The following HCN1 variants were observed in gnomAD, a reference collection of about 807,000 sequenced individuals.
HCN1 encodes the protein hyperpolarization activated cyclic nucleotide gated potassium channel 1, also known as potassium/sodium hyperpolarization-activated cyclic nucleotide-gated channel 1.
Under a neutral mutation model 78.9 loss-of-function variants are expected in HCN1, and 13 were observed. The ratio of observed to expected loss-of-function variants is 0.16; its 90% CI spans 0.11 to 0.26. The LOEUF is 0.26. HCN1 is among the 10% of genes least tolerant of loss of function. The pLI, the probability that HCN1 is intolerant of heterozygous loss-of-function variation, is 1.00. For synonymous variants in HCN1, 552 were observed against 455.5 expected (o/e 1.21, Z -2.70); for missense variants, 810 against 1,154.3 (o/e 0.70, Z 4.32).
At chr5:45,371,647 C>T (rs192308580) in intron 4 of HCN1, among the ~76,000 whole-genome samples, 19 of 150,334 alleles carry the variant, frequency 1.3e-4, no homozygotes, top group African/African-American at 4.4e-4. Flanking sequence ...ATCCCAGCTA[C>T]TCGTGAGGCT....
intron 2 of HCN1, among the ~76,000 whole-genome samples, chr5:45,584,370 T>C (rs1408620774): frequency 6.6e-6 from 1 of 152,220 alleles, no homozygotes; most frequent in Non-Finnish European, 1.5e-5. Flanking sequence ...TTTTTTGTTT[T>C]CCATTGGCTT....
intron 5 of HCN1, among the ~76,000 whole-genome samples, chr5:45,331,207 A>G (rs909371893): frequency 2.6e-5 from 4 of 151,154 alleles, no homozygotes; most frequent in Non-Finnish European, 4.5e-5. Context: ...ATATATTAAT[A>G]TCAGTATTAA....
intron 1 of HCN1, among the ~76,000 whole-genome samples, chr5:45,673,672 C>A (rs1746201565): frequency 6.6e-6 from 1 of 151,326 alleles, no homozygotes; most frequent in Non-Finnish European, 1.5e-5. Flanking sequence ...ATCAGTATCA[C>A]AAGTAGGGGT....
At chr5:45,683,672 C>A (rs527237812) in intron 1 of HCN1, among the ~76,000 whole-genome samples, 4 of 143,972 alleles carry the variant, frequency 2.8e-5, no homozygotes, top group Non-Finnish European at 4.6e-5. Flanking sequence ...TATGTTTTGT[C>A]TTTTTTTTTT....
intron 4 of HCN1, among the ~76,000 whole-genome samples, chr5:45,373,368 A>C (rs1269913227): frequency 1.5e-4 from 18 of 117,174 alleles, no homozygotes; most frequent in Non-Finnish European, 2.7e-4. Context: ...TAAATATAAT[A>C]TATATTTTAT....
At chr5:45,469,872 T>C (rs1741353687) in intron 2 of HCN1, among the ~76,000 whole-genome samples, 4 of 151,762 alleles carry the variant, frequency 2.6e-5, no homozygotes, top group Admixed American at 1.3e-4. Flanking sequence ...AATATTCTAT[T>C]AACTCTGCTT....
At chr5:45,297,387 T>A (rs1415774136) in intron 6 of HCN1, among the ~76,000 whole-genome samples, 1 of 152,100 alleles carries the variant, frequency 6.6e-6, no homozygotes, top group Non-Finnish European at 1.5e-5. Flanking sequence ...CATGTTACAG[T>A]GCTGCAGAGA....
intron 2 of HCN1, among the ~76,000 whole-genome samples, chr5:45,580,228 G>T (rs1185055063): frequency 6.6e-6 from 1 of 152,206 alleles, no homozygotes. Flanking sequence ...AGATTACCTT[G>T]GATTGTCCAT....
chr5:45,547,480 C>T (rs2111845245), intron 2 of HCN1, among the ~76,000 whole-genome samples: 1 of 152,012 alleles, frequency 6.6e-6, no homozygotes, highest in South Asian at 2.1e-4. Flanking sequence ...AGAGAGTCTG[C>T]AAGATCAAAT....
intron 3 of HCN1, among the ~76,000 whole-genome samples, chr5:45,403,655 G>A (rs1739866932): frequency 6.6e-6 from 1 of 152,102 alleles, no homozygotes; most frequent in Non-Finnish European, 1.5e-5. Context: ...GGGATTATGA[G>A]AACTACAATT....
chr5:45,301,284 T>A (rs1474726945), intron 6 of HCN1, among the ~76,000 whole-genome samples: 1 of 144,336 alleles, frequency 6.9e-6, no homozygotes, highest in South Asian at 2.2e-4. Context: ...ATATTTCATA[T>A]TATACTCACA....
intron 2 of HCN1, among the ~76,000 whole-genome samples, chr5:45,626,335 C>T (rs551162066): frequency 2.0e-5 from 3 of 152,264 alleles, no homozygotes; most frequent in African/African-American, 7.2e-5. Context: ...AAATACTACG[C>T]TCAGCAATGT....
chr5:45,630,384 G>A (rs1324043561), intron 2 of HCN1, among the ~76,000 whole-genome samples: 1 of 152,074 alleles, frequency 6.6e-6, no homozygotes, highest in African/African-American at 2.4e-5. Context: ...ACTTTTTTAT[G>A]GTGACAATGA....
chr5:45,372,821 T>C (rs982879035), intron 4 of HCN1, among the ~76,000 whole-genome samples: 2 of 141,372 alleles, frequency 1.4e-5, no homozygotes, highest in Non-Finnish European at 3.0e-5. Flanking sequence ...CAAATATATG[T>C]ACGTATTCTA....
chr5:45,530,864 C>T (rs887956392), intron 2 of HCN1, among the ~76,000 whole-genome samples: 1 of 152,054 alleles, frequency 6.6e-6, no homozygotes, highest in Non-Finnish European at 1.5e-5. Flanking sequence ...CAAGGTCACA[C>T]AGCTAATAAC....
intron 1 of HCN1, among the ~76,000 whole-genome samples, chr5:45,688,664 TG>T (rs1267985993): frequency 1.9e-4 from 29 of 152,056 alleles, no homozygotes; most frequent in African/African-American, 7.0e-4. Context: ...AACATCTCTG[TG>T]CAAAAACTTG....
intron 2 of HCN1, among the ~76,000 whole-genome samples, chr5:45,636,028 CT>C (rs1482171538): frequency 1.3e-5 from 2 of 152,070 alleles, no homozygotes; most frequent in African/African-American, 2.4e-5. Context: ...TGTATTTTCC[CT>C]TTTTCATTAG....
chr5:45,493,757 C>G (rs1287105056), intron 2 of HCN1, among the ~76,000 whole-genome samples: 2 of 148,942 alleles, frequency 1.3e-5, no homozygotes, highest in East Asian at 2.0e-4. Flanking sequence ...CACCTCCCCC[C>G]ACCCCACAAC....
At chr5:45,276,867 A>G (rs1384422136) in intron 6 of HCN1, among the ~76,000 whole-genome samples, 1 of 152,078 alleles carries the variant, frequency 6.6e-6, no homozygotes, top group East Asian at 1.9e-4. Context: ...AACTATGGGG[A>G]TGAAGAGGAC....
Sources: gnomAD v4.1 joint callset for allele counts (sites outside exome capture counted in the v4.1 genomes callset) on GRCh38, gnomAD v4.1.1 for gene constraint, MANE v1.5 for transcripts, NCBI Gene and HGNC (gene_info 2026-07-23, HGNC 2026-07-21) for gene names.